Variants in ZNF391 observed in about 807,000 individuals in gnomAD.
The protein encoded by ZNF391 is zinc finger protein 391.
For synonymous variants in ZNF391, 126 were observed against 142.1 expected, an observed-to-expected ratio of 0.89 and a Z score of 0.80; for missense variants, 375 against 425.5, an observed-to-expected ratio of 0.88 and a Z score of 1.04.
At chr6:27,385,403 C>T (rs1260151192), upstream of ZNF391, among the ~76,000 whole-genome samples, 1 of 152,108 alleles carries the variant, frequency 6.6e-6, no homozygotes, top group African/African-American at 2.4e-5. Context: ...AAGAAACTCA[C>T]TTTAAAGATA....
At chr6:27,381,588 G>A (rs1051770592) in intron 1 of ZNF391, among the ~76,000 whole-genome samples, 3 of 152,230 alleles carry the variant, frequency 2.0e-5, no homozygotes, top group East Asian at 3.9e-4. Context: ...GCGAGCGAGG[G>A]CTGTGAGGAC....
Position 27,400,397 on chromosome 6 carries a change from T to G in ZNF391, c.27T>G (p.Ala9=), listed in dbSNP as rs1390356591. 6.2e-7 allele frequency: 1 copy of G among 1,612,554 alleles called. No individual in the cohort carries two copies. The highest frequency in any genetic ancestry group is 1.1e-5 in the South Asian group (1 of 90,882). The change falls in exon 3 of 3, where the codon GCT becomes GCG. Residue 9 remains alanine, a synonymous_variant. Transcript: ENST00000244576. The stretch of plus-strand genomic sequence containing the variant: ...TGGAAAGCCTCAGAGGGAATACTGC[T>G]CAGGGTCCTACAAATGAAGAAGACT... MESLRGNT[A]QGPTNEEDYK... is the part of the protein sequence containing the mutation.
At chr6:27,378,465 G>A (rs1029283048) in intron 1 of ZNF391, among the ~76,000 whole-genome samples, 1 of 152,018 alleles carries the variant, frequency 6.6e-6, no homozygotes, top group African/African-American at 2.4e-5. Context: ...GGGTCACAAG[G>A]TGCTCAGTGG....
intron 1 of ZNF391, among the ~76,000 whole-genome samples, chr6:27,397,921 C>T (rs901055705): frequency 3.9e-5 from 6 of 152,206 alleles, no homozygotes; most frequent in Admixed American, 6.5e-5. Flanking sequence ...TGAGCCACTG[C>T]GCCCTCCAGC....
At chr6:27,392,180 T>C (rs1248820316) in intron 1 of ZNF391, among the ~76,000 whole-genome samples, 1 of 152,234 alleles carries the variant, frequency 6.6e-6, no homozygotes, top group Non-Finnish European at 1.5e-5. Flanking sequence ...CCTATAGCTC[T>C]GGGCCTCTAT....
rs1291677167 is a variant in ZNF391 at position 27,376,975 on chromosome 6, A to G, written n.523+1838A>G. ...GCTCCTTCCACCCATTGTTATGAAT[A>G]TTAAATGAGTTAATAATGTAATGGT... On this transcript the variant is annotated intron_variant and non_coding_transcript_variant, in intron 1 of 2. Coordinates refer to the ZNF391 transcript ENST00000477999. The surrounding 1 kb of genome is among the most constrained non-coding windows in gnomAD (Gnocchi z 4.7). Among the ~76,000 whole-genome samples the G allele has an allele frequency of 6.6e-6, 1 of 152,178 alleles. No individual in the cohort carries two copies. Among genetic ancestry groups the G allele is most frequent in the Non-Finnish European group, 1.5e-5 (1 of 68,022 alleles).
At position 27,401,119 on chromosome 6, in the gene ZNF391, A is replaced by C. The variant is rs202046742; in HGVS notation, c.749A>C (p.Glu250Ala). The change falls in exon 3 of 3, where the codon GAA becomes GCA. Residue 250 changes from glutamate (E) to alanine (A), a missense_variant. Glu to Ala is a moderately radical substitution (Grantham distance 107). Coordinates refer to ENST00000244576, the MANE Select transcript of ZNF391 (RefSeq NM_001076781.3). ...QRIHTGENPY[E>A]CSKCGKAFSW... ...ATACACACTGGAGAGAATCCCTATG[A>C]ATGCAGTAAATGTGGAAAAGCTTTC... is the stretch of plus-strand genomic sequence containing the variant. The C allele has an allele frequency of 7.7e-4, 1,237 of 1,614,098 alleles. 1 individual carries two copies. Among genetic ancestry groups the C allele is most frequent in the Non-Finnish European group, 1.0e-3 (1,200 of 1,180,036 alleles).
chr6:27,393,571 G>A (rs1761762074), intron 1 of ZNF391, among the ~76,000 whole-genome samples: 1 of 152,128 alleles, frequency 6.6e-6, no homozygotes, highest in Non-Finnish European at 1.5e-5. Context: ...CAGCAAATTG[G>A]TACTGAGGAG....
At position 27,374,647 on chromosome 6, in the gene ZNF391, G is replaced by T. The variant is rs538734061; in HGVS notation, n.33G>T. ...CTAGGCCTCTTGCAGGAGAGTCCCTGGTCCCAGCCAGCGGGAGCGGCTTCT... is the reference window on the plus strand; with the variant it reads ...CTAGGCCTCTTGCAGGAGAGTCCCTTGTCCCAGCCAGCGGGAGCGGCTTCT... On this transcript the variant is annotated non_coding_transcript_exon_variant, in exon 1 of 3. Coordinates refer to the ZNF391 transcript ENST00000477999. The surrounding 1 kb of genome is among the most constrained non-coding windows in gnomAD (Gnocchi z 5.3). 1 of 152,124 alleles carries T rather than the reference G, an allele frequency of 6.6e-6. No homozygotes were observed. Among genetic ancestry groups the T allele is most frequent in the African/African-American group, 2.4e-5 (1 of 41,458 alleles). The allele number at this position is 152,124 out of a possible 1,614,324, so 9.4% of individuals were successfully genotyped here.
In ZNF391 at chr6:27,388,970, C is replaced by T. The variant is rs964030321; in HGVS notation, c.-293C>T. ...TTAATCCTTCCGACTTCCCCAAGCCCAGCGCACTCAGGTTCCGCTCCAAGT... is the reference window on the plus strand; with the variant it reads ...TTAATCCTTCCGACTTCCCCAAGCCTAGCGCACTCAGGTTCCGCTCCAAGT... On this transcript the variant is annotated 5_prime_UTR_variant, in exon 1 of 3. Transcript: ENST00000244576. 1.1e-5 allele frequency: 5 copies of T among 456,374 alleles called. No homozygotes were observed. The highest frequency in any genetic ancestry group is 8.0e-5 in the African/African-American group (4 of 50,052). 28.3% of individuals were successfully genotyped at this position (456,374 alleles called of 1,614,324 possible).
intron 1 of ZNF391, 77 bp downstream of exon 1, chr6:27,389,152 T>C: frequency 2.2e-6 from 1 of 456,624 alleles, no homozygotes; most frequent in Non-Finnish European, 4.4e-6. Flanking sequence ...CGCGTGTGGT[T>C]TGGCTGCAGG....
chr6:27,395,450 G>C (rs1215113102), intron 1 of ZNF391, among the ~76,000 whole-genome samples: 1 of 152,058 alleles, frequency 6.6e-6, no homozygotes, highest in East Asian at 1.9e-4. Context: ...CTCCCTGAAG[G>C]CTCACCAGAA....
intron 1 of ZNF391, among the ~76,000 whole-genome samples, chr6:27,383,326 T>C (rs890139525): frequency 6.6e-6 from 1 of 150,830 alleles, no homozygotes; most frequent in Non-Finnish European, 1.5e-5. Context: ...CAGTAATGAC[T>C]GAGAATTCTC....
chr6:27,394,846 AGGAGCTTATTTT>A (rs1469707108), intron 1 of ZNF391, among the ~76,000 whole-genome samples: 1 of 152,226 alleles, frequency 6.6e-6, no homozygotes, highest in Non-Finnish European at 1.5e-5. Context: ...TGGGACATAT[AGGAGCTTATTTT>A]GGAGCTTTAA....
chr6:27,382,531 C>T (rs1300272199), intron 1 of ZNF391, among the ~76,000 whole-genome samples: 1 of 152,072 alleles, frequency 6.6e-6, no homozygotes, highest in African/African-American at 2.4e-5. Flanking sequence ...GAACAAGCAT[C>T]GGAACCAGAC....
At chr6:27,381,333 G>A (rs1304278867) in intron 1 of ZNF391, among the ~76,000 whole-genome samples, 6 of 152,374 alleles carry the variant, frequency 3.9e-5, no homozygotes, top group African/African-American at 1.2e-4. Flanking sequence ...CATTGCCCGG[G>A]GCCGGCAGGT....
At chr6:27,395,947 TGGGTATTCTCAA>T (rs1561812562) in intron 1 of ZNF391, among the ~76,000 whole-genome samples, 6 of 152,218 alleles carry the variant, frequency 3.9e-5, no homozygotes, top group Admixed American at 6.5e-5. Flanking sequence ...TATGGCAGTA[TGGGTATTCTCAA>T]ATCTTCAGAG....
intron 1 of ZNF391, among the ~76,000 whole-genome samples, chr6:27,397,671 C>T (rs931155021): frequency 1.3e-5 from 2 of 152,108 alleles, no homozygotes; most frequent in African/African-American, 2.4e-5. Flanking sequence ...ACTCTGTTGC[C>T]CAGGCTGGAG....
Position 27,374,944 on chromosome 6 carries a change from G to A in ZNF391, n.330G>A, listed in dbSNP as rs1293878852. 6.6e-6 allele frequency: 1 copy of A among 152,324 alleles called. No individual in the cohort carries two copies. Among genetic ancestry groups the A allele is most frequent in the East Asian group, 1.9e-4 (1 of 5,182 alleles). 9.4% of individuals were successfully genotyped at this position (152,324 alleles called of 1,614,324 possible). On this transcript the variant is annotated non_coding_transcript_exon_variant, in exon 1 of 3. Transcript: ENST00000477999. The surrounding 1 kb of genome is among the most constrained non-coding windows in gnomAD (Gnocchi z 5.3). ...TCCCGCAGGATACACTGCCCGCCCA[G>A]TGGCCTGGAGGGCGCGTCCCGGGCT...
Sources: allele counts gnomAD v4.1 joint callset (sites outside exome capture counted in the v4.1 genomes callset), GRCh38; gene constraint gnomAD v4.1.1; non-coding constraint Gnocchi (gnomAD v3.1); transcripts MANE v1.5; gene names NCBI Gene and HGNC (gene_info 2026-07-23, HGNC 2026-07-21).